The following GRIK3 variants were observed in gnomAD, a reference collection of about 807,000 sequenced individuals.
GRIK3 encodes the protein glutamate receptor ionotropic, kainate 3.
A neutral mutation model predicts 102.5 loss-of-function variants in GRIK3; 29 were observed. The observed-to-expected ratio is 0.28, with a 90% CI of 0.21 to 0.39. The LOEUF (loss-of-function observed/expected upper bound fraction) is 0.39. Ranked by LOEUF, GRIK3 falls within the 10% of genes least tolerant of loss-of-function variation. The pLI is 1.00. For missense variants in GRIK3, 908 were observed against 1,252.4 expected, an observed-to-expected ratio of 0.73 and a Z score of 4.15; for synonymous variants, 511 against 504.9, an observed-to-expected ratio of 1.01 and a Z score of -0.16.
chr1:36,984,182 T>C (rs1289834941), intron 1 of GRIK3, among the ~76,000 whole-genome samples: 1 of 152,070 alleles, frequency 6.6e-6, no homozygotes, highest in Non-Finnish European at 1.5e-5. Flanking sequence ...GCTTATGCTC[T>C]AACACACTCA....
chr1:36,920,021 C>G (rs1350130592), intron 1 of GRIK3, among the ~76,000 whole-genome samples: 1 of 152,200 alleles, frequency 6.6e-6, no homozygotes, highest in African/African-American at 2.4e-5. Flanking sequence ...TGTGTCCCAC[C>G]CCAGGCTCAG....
intron 10 of GRIK3, among the ~76,000 whole-genome samples, chr1:36,839,185 C>T (rs949346703): frequency 6.6e-6 from 1 of 152,190 alleles, no homozygotes; most frequent in African/African-American, 2.4e-5. Context: ...TTCTCCCCTG[C>T]CCAGCTTGCC....
At chr1:36,995,438 T>C (rs1445844706) in intron 1 of GRIK3, among the ~76,000 whole-genome samples, 1 of 152,180 alleles carries the variant, frequency 6.6e-6, no homozygotes, top group East Asian at 1.9e-4. Context: ...ATGTGAAAAG[T>C]ACTAGGTAAC....
At chr1:36,996,451 A>G (rs1461240576) in intron 1 of GRIK3, among the ~76,000 whole-genome samples, 1 of 152,194 alleles carries the variant, frequency 6.6e-6, no homozygotes, top group Non-Finnish European at 1.5e-5. Context: ...TGGCATTCCC[A>G]AGACCTGGAT....
intron 7 of GRIK3, among the ~76,000 whole-genome samples, chr1:36,856,421 A>G (rs565786475): frequency 6.6e-6 from 1 of 152,320 alleles, no homozygotes; most frequent in African/African-American, 2.4e-5. Flanking sequence ...GGACTTGCTA[A>G]ATGAAAGATG....
chr1:36,977,228 T>C (rs1433590349), intron 1 of GRIK3, among the ~76,000 whole-genome samples: 2 of 152,228 alleles, frequency 1.3e-5, no homozygotes, highest in Non-Finnish European at 2.9e-5. Context: ...CATTGAATCC[T>C]TATAGGGTAA....
chr1:36,835,960 C>T (rs761535241), intron 10 of GRIK3, among the ~76,000 whole-genome samples: 55 of 152,130 alleles, frequency 3.6e-4, no homozygotes, highest in Non-Finnish European at 5.9e-4. Flanking sequence ...GGAGACATCC[C>T]GAGCTCCCCC....
At chr1:36,981,888 C>G (rs536153134) in intron 1 of GRIK3, among the ~76,000 whole-genome samples, 2 of 152,262 alleles carry the variant, frequency 1.3e-5, no homozygotes, top group East Asian at 1.9e-4. Flanking sequence ...AAGGCAATGC[C>G]GAGGAGCAGC....
intron 1 of GRIK3, among the ~76,000 whole-genome samples, chr1:36,955,276 G>A (rs1253127050): frequency 1.3e-5 from 2 of 152,244 alleles, no homozygotes; most frequent in African/African-American, 4.8e-5. Context: ...AGCAGGACAG[G>A]AAGGGGCAGG....
At position 36,889,748 on chromosome 1, in the gene GRIK3, T is replaced by C. The variant is rs532405125; in HGVS notation, c.292+1172A>G. On this transcript the variant is annotated intron_variant, in intron 2 of 15. Coordinates refer to ENST00000373091, the MANE Select transcript of GRIK3 (RefSeq NM_000831.4). ...GCCTGGCTGGGGAAGGTCCCTGTGC[T>C]GAATCACAGGTGTACCACTAGGGAG... 4.6e-5 allele frequency among the ~76,000 whole-genome samples: 7 copies of C among 152,282 alleles called. No homozygotes were observed. The East Asian group carries it at 1.4e-3, about 29-fold the overall frequency.
intron 1 of GRIK3, among the ~76,000 whole-genome samples, chr1:36,972,916 C>T (rs933914497): frequency 2.0e-5 from 3 of 152,160 alleles, no homozygotes; most frequent in Non-Finnish European, 2.9e-5. Context: ...TCAGGGAAAG[C>T]ACATGGGGGC....
intron 1 of GRIK3, among the ~76,000 whole-genome samples, chr1:36,943,709 G>C (rs1437869105): frequency 6.6e-6 from 1 of 152,246 alleles, no homozygotes; most frequent in Non-Finnish European, 1.5e-5. Context: ...ATGATAGCCA[G>C]CTATCACTCA....
intron 1 of GRIK3, among the ~76,000 whole-genome samples, chr1:36,926,779 C>A (rs1350075166): frequency 2.6e-5 from 4 of 152,286 alleles, no homozygotes; most frequent in African/African-American, 4.8e-5. Context: ...CATCCTACCT[C>A]TTAGGCAACC....
chr1:36,836,437 A>C (rs572688), intron 10 of GRIK3, among the ~76,000 whole-genome samples: 1 of 152,128 alleles, frequency 6.6e-6, no homozygotes, highest in Non-Finnish European at 1.5e-5. Flanking sequence ...AGGTGTTGGG[A>C]CAGCAGCCAA....
chr1:36,932,110 T>C (rs1013308083), intron 1 of GRIK3, among the ~76,000 whole-genome samples: 12 of 152,148 alleles, frequency 7.9e-5, no homozygotes, highest in African/African-American at 2.9e-4. Context: ...ATCCCACAGA[T>C]CTGCTGGCCT....
At chr1:36,919,902 C>T (rs1173281596) in intron 1 of GRIK3, among the ~76,000 whole-genome samples, 1 of 152,220 alleles carries the variant, frequency 6.6e-6, no homozygotes, top group African/African-American at 2.4e-5. Flanking sequence ...GAAGATGCTC[C>T]TCCTGCCTGG....
At chr1:36,898,037 G>C (rs1019024454) in intron 1 of GRIK3, among the ~76,000 whole-genome samples, 1 of 151,824 alleles carries the variant, frequency 6.6e-6, no homozygotes, top group Non-Finnish European at 1.5e-5. Context: ...AATAAGCCAG[G>C]CACAGAAAGA....
chr1:36,934,265 G>A (rs1004380538), intron 1 of GRIK3, among the ~76,000 whole-genome samples: 3 of 152,128 alleles, frequency 2.0e-5, no homozygotes, highest in African/African-American at 2.4e-5. Context: ...TGGCTGGCAT[G>A]CAGCCCAGAC....
At chr1:36,836,827 A>G (rs1640385803) in intron 10 of GRIK3, among the ~76,000 whole-genome samples, 2 of 152,184 alleles carry the variant, frequency 1.3e-5, no homozygotes, top group Non-Finnish European at 2.9e-5. Flanking sequence ...GAGAGCAGCC[A>G]GGACAGAATT....
Sources: allele counts gnomAD v4.1 joint callset (sites outside exome capture counted in the v4.1 genomes callset), GRCh38; gene constraint gnomAD v4.1.1; transcripts MANE v1.5; gene names NCBI Gene and HGNC (gene_info 2026-07-23, HGNC 2026-07-21).